REEP5: variants seen among roughly 807,000 people sequenced by gnomAD.
REEP5 encodes the protein receptor accessory protein 5, also known as receptor expression-enhancing protein 5.
In REEP5, 24 loss-of-function variants were observed where a neutral mutation model predicts 22.4. The ratio of observed to expected loss-of-function variants is 1.07; its 90% confidence interval spans 0.78 to 1.51. The LOEUF (loss-of-function observed/expected upper bound fraction) is 1.51. Ranked by LOEUF, REEP5 falls within the 40% of genes most tolerant of loss-of-function variation. The pLI, the probability that REEP5 is intolerant of heterozygous loss-of-function variation, is 0.00. For missense variants in REEP5, 252 were observed against 233.0 expected, an observed-to-expected ratio of 1.08 and a Z score of -0.53; for synonymous variants, 103 against 88.6, an observed-to-expected ratio of 1.16 and a Z score of -0.92.
chr5:112,880,105 C>G (rs1200737373), intron 4 of REEP5, among the ~76,000 whole-genome samples: 1 of 152,052 alleles, frequency 6.6e-6, no homozygotes, highest in East Asian at 1.9e-4. Flanking sequence ...TGACAAGACA[C>G]TACATTCATC....
chr5:112,921,928 G>A (rs895456195), intron 1 of REEP5, 145 bp downstream of exon 1: 1 of 1,063,736 alleles, frequency 9.4e-7, no homozygotes, highest in Non-Finnish European at 1.3e-6. Context: ...TTTCCGGGAG[G>A]CCAGCCTGAT....
At chr5:112,905,845 C>G (rs1580749359) in intron 2 of REEP5, among the ~76,000 whole-genome samples, 1 of 152,214 alleles carries the variant, frequency 6.6e-6, no homozygotes, top group East Asian at 1.9e-4. Flanking sequence ...TGGTCTCAAA[C>G]TCATGGGGCT....
Position 112,891,587 on chromosome 5 carries a change from C to T in REEP5, c.352-4404G>A, listed in dbSNP as rs768432571. ...CAGTGGCAGCTATGAACAAAATCTT[C>T]CATATATTCCCATAGGTTAAGAATG... is the stretch of plus-strand genomic sequence containing the variant. On this transcript the variant is annotated intron_variant, in intron 3 of 4. Transcript: ENST00000379638. 21 of 1,554,758 alleles carry T rather than the reference C, an allele frequency of 1.4e-5. 2 individuals are homozygous for T. In the South Asian group the frequency reaches 2.5e-4, roughly 18 times the overall value.
chr5:112,887,070 C>T lies in REEP5; in HGVS notation c.465G>A (p.Val155=), dbSNP rs1179199336. Residue 155 remains valine, a synonymous_variant, in exon 4 of 5, where the codon GTG becomes GTA. Coordinates refer to ENST00000379638, the MANE Select transcript of REEP5 (RefSeq NM_005669.5). Reference sequence around the variant, plus strand: ...TGGCCTTGTCTTTAAGGTCCTTGACCACACTGTCCATCTGGGACTCGTGCT... The same window carrying T: ...TGGCCTTGTCTTTAAGGTCCTTGACTACACTGTCCATCTGGGACTCGTGCT... ...FLKHESQMDS[V]VKDLKDKAKE... The T allele has an allele frequency of 6.2e-7, 1 of 1,613,572 alleles. No individual in the cohort carries two copies. Among genetic ancestry groups the T allele is most frequent in the Non-Finnish European group, 8.5e-7 (1 of 1,179,778 alleles).
At chr5:112,921,413 C>A in intron 1 of REEP5, 157 bp from the exon 2 acceptor site, 2 of 704,234 alleles carry the variant, frequency 2.8e-6, no homozygotes, top group East Asian at 5.4e-5. Flanking sequence ...GCTGGGCCTG[C>A]GCGTCCGCTG....
At chr5:112,898,811 CTT>C (rs760069290) in intron 3 of REEP5, among the ~76,000 whole-genome samples, 2 of 152,116 alleles carry the variant, frequency 1.3e-5, no homozygotes, top group Non-Finnish European at 2.9e-5. Context: ...TGTTAAATGA[CTT>C]TGAATAATAA....
rs762701367 is a variant in REEP5, at chr5:112,887,085, G to C, written c.450C>G (p.Ser150=). 11 of 1,613,636 alleles carry C rather than the reference G, an allele frequency of 6.8e-6. No individual in the cohort carries two copies. The South Asian group carries it at 1.2e-4, about 18-fold the overall frequency. ...IIRPFFLKHE[S]QMDSVVKDLK... is the part of the protein sequence containing the mutation. ...GGTCCTTGACCACACTGTCCATCTG[G>C]GACTCGTGCTTCAGGAAGAAAGGAC... Residue 150 remains serine (S), a synonymous_variant, in exon 4 of 5, where the codon TCC becomes TCG. Transcript: ENST00000379638.
At chr5:112,921,802 G>C in intron 1 of REEP5, 2 of 329,540 alleles carry the variant, frequency 6.1e-6, no homozygotes, top group Non-Finnish European at 1.1e-5. Flanking sequence ...CGGGCCGCGG[G>C]GCAGACATAC....
At chr5:112,921,393 C>A in intron 1 of REEP5, 137 bp from the exon 2 acceptor site, 1 of 811,504 alleles carries the variant, frequency 1.2e-6, no homozygotes, top group Non-Finnish European at 2.1e-6. Flanking sequence ...GAAAAACAAA[C>A]CACACGAAAG....
intron 3 of REEP5, among the ~76,000 whole-genome samples, chr5:112,899,314 A>T (rs1768789542): frequency 6.8e-6 from 1 of 146,504 alleles, no homozygotes. Context: ...GTTAATTTTT[A>T]AATTTGTGTG....
Position 112,878,597 on chromosome 5 carries a change from T to C in REEP5, c.*189A>G, listed in dbSNP as rs1036958668. On this transcript the variant is annotated 3_prime_UTR_variant, in exon 5 of 5. Coordinates refer to ENST00000379638, the MANE Select transcript of REEP5 (RefSeq NM_005669.5). ...CGTGGACACTGCCCACTGCATTAAGTTTAAAGTGCTCCCTATATATATAGA... is the reference window on the plus strand; with the variant it reads ...CGTGGACACTGCCCACTGCATTAAGCTTAAAGTGCTCCCTATATATATAGA... 1 of 828,314 alleles carries C rather than the reference T, an allele frequency of 1.2e-6. No individual in the cohort carries two copies. Among genetic ancestry groups the C allele is most frequent in the African/African-American group, 1.7e-5 (1 of 57,716 alleles). 51.3% of individuals were successfully genotyped at this position (828,314 alleles called of 1,614,324 possible). A position where few individuals can be genotyped will look rare whatever the true frequency, so the allele number is the denominator to read the frequency against.
chr5:112,883,908 CCCAATCCATAA>C (rs1768151472), intron 4 of REEP5, among the ~76,000 whole-genome samples: 3 of 152,116 alleles, frequency 2.0e-5, no homozygotes, highest in African/African-American at 7.2e-5. Flanking sequence ...CTGACCCATG[CCCAATCCATAA>C]GCCAATCCAT....
At chr5:112,913,396 AG>A (rs1383593567) in intron 2 of REEP5, among the ~76,000 whole-genome samples, 53 of 151,086 alleles carry the variant, frequency 3.5e-4, no homozygotes, top group Non-Finnish European at 4.0e-4. Flanking sequence ...AGAAAGAGAA[AG>A]AAAGAAAAAA....
chr5:112,913,000 C>T (rs1255104010), intron 2 of REEP5, among the ~76,000 whole-genome samples: 8 of 152,112 alleles, frequency 5.3e-5, no homozygotes, highest in Admixed American at 1.3e-4. Flanking sequence ...ACAAACAGTA[C>T]GAGAAAGACT....
Position 112,880,217 on chromosome 5 carries a change from C to G in REEP5, c.521-1382G>C, listed in dbSNP as rs951734225. Among the ~76,000 whole-genome samples, 6 of 152,128 alleles carry G rather than the reference C, an allele frequency of 3.9e-5. No homozygotes were observed. The South Asian group carries it at 6.2e-4, about 16-fold the overall frequency. On this transcript the variant is annotated intron_variant, in intron 4 of 4. Transcript: ENST00000379638. ...CTTGAAGCCAGGAGTTTGAGATCAC[C>G]CTGGCCAAAACACAGTGAGAGCCCA...
chr5:112,919,356 T>G (rs915379580), intron 2 of REEP5, among the ~76,000 whole-genome samples: 4 of 151,882 alleles, frequency 2.6e-5, no homozygotes, highest in African/African-American at 7.3e-5. Flanking sequence ...AAGATCAGCC[T>G]GGCTAACATG....
chr5:112,884,783 C>A (rs1580730247), intron 4 of REEP5, among the ~76,000 whole-genome samples: 1 of 151,662 alleles, frequency 6.6e-6, no homozygotes, highest in Middle Eastern at 3.4e-3. Context: ...TCCTTGGCCC[C>A]CCCCCATCTT....
intron 3 of REEP5, chr5:112,892,349 C>T (rs763805816): frequency 1.2e-6 from 2 of 1,614,106 alleles, no homozygotes; most frequent in East Asian, 2.2e-5. Context: ...GAGGAAGAAA[C>T]CTACCAACAG....
At chr5:112,915,780 G>A (rs545305520) in intron 2 of REEP5, among the ~76,000 whole-genome samples, 1 of 151,186 alleles carries the variant, frequency 6.6e-6, no homozygotes, top group South Asian at 2.1e-4. Flanking sequence ...TATAGATCCA[G>A]AGAGAAAAGC....
Sources: gnomAD v4.1 joint callset for allele counts (sites outside exome capture counted in the v4.1 genomes callset) on GRCh38, gnomAD v4.1.1 for gene constraint, MANE v1.5 for transcripts, NCBI Gene and HGNC (gene_info 2026-07-23, HGNC 2026-07-21) for gene names.